NUCB2: variants seen among roughly 807,000 people sequenced by gnomAD.
The protein encoded by NUCB2 is nucleobindin 2.
A neutral mutation model predicts 57.9 loss-of-function variants in NUCB2; 48 were observed. The ratio of observed to expected loss-of-function variants is 0.83; its 90% confidence interval spans 0.66 to 1.05. NUCB2 has a LOEUF of 1.05. NUCB2 is among the 50% of genes least tolerant of loss of function. The probability of loss-of-function intolerance (pLI) is 0.00; values close to 1 mark genes in which losing one functional copy is unlikely to be tolerated. For missense variants in NUCB2, 442 were observed against 476.2 expected (o/e 0.93, Z 0.67); for synonymous variants, 139 against 152.1 (o/e 0.91, Z 0.64).
At chr11:17,339,150 G>C (rs2139592260) in intron 2 of NUCB2, among the ~76,000 whole-genome samples, 1 of 151,836 alleles carries the variant, frequency 6.6e-6, no homozygotes, top group East Asian at 1.9e-4. Flanking sequence ...ACCATACCCA[G>C]CTAATTTTTG....
At chr11:17,297,260 T>G (rs577022853) in intron 4 of NUCB2, among the ~76,000 whole-genome samples, 1 of 152,182 alleles carries the variant, frequency 6.6e-6, no homozygotes, top group African/African-American at 2.4e-5. Flanking sequence ...TTTTCTAGAA[T>G]CAGAATAAGA....
In NUCB2 at chr11:17,288,938, CACACACACACACATATAT is replaced by C. The variant is rs1565377043; in HGVS notation, c.-1+5997_-1+6014del. On this transcript the variant is annotated intron_variant, in intron 2 of 13. Coordinates refer to ENST00000529010, the MANE Select transcript of NUCB2 (RefSeq NM_005013.4). ...ACACACACACACACACACACACACA[CACACACACACACATATAT>C]ATATATATTTTTTTTTTTTGAGATG... Among the ~76,000 whole-genome samples, 14 of 82,882 alleles carry C rather than the reference CACACACACACACATATAT, an allele frequency of 1.7e-4. 1 individual carries two copies. Among genetic ancestry groups the C allele is most frequent in the Non-Finnish European group, 8.1e-5 (4 of 49,434 alleles). 54.4% of individuals were successfully genotyped at this position (82,882 alleles called of 152,430 possible).
rs1555068894 is a variant in NUCB2, at chr11:17,287,172, A to AT, written c.-1+4229_-1+4230insT. 2.1e-3 allele frequency among the ~76,000 whole-genome samples: 315 copies of AT among 151,504 alleles called. 1 individual carries two copies. The highest frequency in any genetic ancestry group is 0.011 in the South Asian group (51 of 4,784). On this transcript the variant is annotated intron_variant, in intron 2 of 13. Coordinates refer to ENST00000529010, the MANE Select transcript of NUCB2 (RefSeq NM_005013.4). ...TGAAACCACAACTCTACCAAAAAAA[A>AT]ATATATATATATATCACCACGCATG...
At position 17,285,202 on chromosome 11, in the gene NUCB2, C is replaced by T. The variant is rs538329546; in HGVS notation, c.-1+2259C>T. The stretch of plus-strand genomic sequence containing the variant: ...CAGCACTTTGGGAGGCCAAGGCGGG[C>T]AGATCACAAGGTCAGGAGATCAAGA... On this transcript the variant is annotated intron_variant, in intron 2 of 13. Coordinates refer to ENST00000529010, the MANE Select transcript of NUCB2 (RefSeq NM_005013.4). Among the ~76,000 whole-genome samples, 210 of 152,108 alleles carry T rather than the reference C, an allele frequency of 1.4e-3. 1 individual carries two copies. The highest frequency in any genetic ancestry group is 4.8e-3 in the African/African-American group (199 of 41,510).
chr11:17,288,955 A>G (rs7935605), intron 2 of NUCB2, among the ~76,000 whole-genome samples: 1,338 of 59,270 alleles, frequency 0.023, 272 homozygotes, highest in African/African-American at 0.13. Flanking sequence ...ACACACATAT[A>G]TATATATATT....
chr11:17,321,050 TG>T (rs147783787), intron 11 of NUCB2, among the ~76,000 whole-genome samples: 6,908 of 152,258 alleles, frequency 0.045, 286 homozygotes, highest in Admixed American at 0.14. Flanking sequence ...AATCACATAA[TG>T]GAAAATTGGG....
downstream of NUCB2, chr11:17,332,346 A>T (rs1951480800): frequency 6.6e-6 from 1 of 151,878 alleles, no homozygotes; most frequent in Non-Finnish European, 1.5e-5. Context: ...CCTAGCTGCT[A>T]GGGAGGCTGA....
rs1484221150 is a variant in NUCB2 at position 17,288,880 on chromosome 11, TATACACACACACACACAC to T, written c.-1+5939_-1+5956del. ...CTTAAAGTCTATTTAATAACATGTA[TATACACACACACACACAC>T]ACACACACACACACACACACACACA... On this transcript the variant is annotated intron_variant, in intron 2 of 13. Transcript: ENST00000529010. 7.7e-3 allele frequency among the ~76,000 whole-genome samples: 519 copies of T among 67,524 alleles called. 23 individuals carry two copies. The highest frequency in any genetic ancestry group is 9.0e-3 in the Admixed American group (50 of 5,574). 44.3% of individuals were successfully genotyped at this position (67,524 alleles called of 152,430 possible).
intron 11 of NUCB2, among the ~76,000 whole-genome samples, chr11:17,324,744 A>C (rs1190032894): frequency 4.6e-5 from 7 of 151,898 alleles, no homozygotes; most frequent in Non-Finnish European, 1.0e-4. Flanking sequence ...AAATGTTATA[A>C]GACTTGTTTT....
intron 2 of NUCB2, among the ~76,000 whole-genome samples, chr11:17,345,516 G>A (rs1224526322): frequency 6.6e-6 from 1 of 152,166 alleles, no homozygotes; most frequent in East Asian, 1.9e-4. Context: ...AGACCAGCCT[G>A]GCCAAGATGG....
chr11:17,292,557 C>T lies in NUCB2; in HGVS notation c.1-2767C>T, dbSNP rs539106325. On this transcript the variant is annotated intron_variant, in intron 2 of 13. Coordinates refer to ENST00000529010, the MANE Select transcript of NUCB2 (RefSeq NM_005013.4). The stretch of plus-strand genomic sequence containing the variant: ...ATATGGAGTAGGCCTTGAGAATTCG[C>T]ATTTCTAACAAATTCCCAGGTGATG... 2.0e-5 allele frequency among the ~76,000 whole-genome samples: 3 copies of T among 152,278 alleles called. No individual in the cohort carries two copies. In the South Asian group the frequency reaches 6.2e-4, roughly 32 times the overall value.
chr11:17,293,997 T>C (rs1945377082), intron 2 of NUCB2, among the ~76,000 whole-genome samples: 1 of 152,206 alleles, frequency 6.6e-6, no homozygotes, highest in Non-Finnish European at 1.5e-5. Flanking sequence ...TTGTGAATAT[T>C]CTAGAAAACA....
chr11:17,312,360 A>G (rs1263249452), intron 10 of NUCB2, among the ~76,000 whole-genome samples: 9 of 150,758 alleles, frequency 6.0e-5, no homozygotes, highest in African/African-American at 2.2e-4. Flanking sequence ...CAGCCTCCTG[A>G]GACTGAGGAG....
At chr11:17,313,917 A>G (rs1948875098) in intron 10 of NUCB2, among the ~76,000 whole-genome samples, 2 of 151,968 alleles carry the variant, frequency 1.3e-5, no homozygotes, top group Non-Finnish European at 2.9e-5. Context: ...TATATGCTCT[A>G]TATCTGCATG....
chr11:17,305,973 A>G (rs1043859741), intron 5 of NUCB2, among the ~76,000 whole-genome samples: 1 of 152,194 alleles, frequency 6.6e-6, no homozygotes, highest in Non-Finnish European at 1.5e-5. Context: ...CATTTGGACA[A>G]AGGTATAGTT....
intron 5 of NUCB2, among the ~76,000 whole-genome samples, chr11:17,305,393 C>T: frequency 6.6e-6 from 1 of 151,874 alleles, no homozygotes; most frequent in Non-Finnish European, 1.5e-5. Context: ...CAATAAAGGA[C>T]TAGATATTAG....
chr11:17,282,236 C>CTATATATATA (rs71457870), intron 1 of NUCB2, among the ~76,000 whole-genome samples: 2 of 104,082 alleles, frequency 1.9e-5, no homozygotes, highest in Admixed American at 1.1e-4. Context: ...ATCTATCTAT[C>CTATATATATA]TATATATATA....
intron 10 of NUCB2, among the ~76,000 whole-genome samples, chr11:17,312,848 A>G (rs969134493): frequency 4.6e-5 from 7 of 151,778 alleles, no homozygotes; most frequent in African/African-American, 1.5e-4. Flanking sequence ...CTGGGATTAC[A>G]GGCATGCACC....
chr11:17,311,131 TTTTGAGTC>T lies in NUCB2; in HGVS notation c.670-60_670-53del, dbSNP rs1948428156. The stretch of plus-strand genomic sequence containing the variant: ...TTCTGCCAAGTTCCTCAAATTTATA[TTTTGAGTC>T]TGTACAGATAGATTATATTTTGTTT... On this transcript the variant is annotated intron_variant, in intron 7 of 13. Coordinates refer to ENST00000529010, the MANE Select transcript of NUCB2 (RefSeq NM_005013.4). 31 of 1,443,620 alleles carry T rather than the reference TTTTGAGTC, an allele frequency of 2.1e-5. No homozygotes were observed. In the South Asian group the frequency reaches 3.7e-4, roughly 17 times the overall value. The allele number at this position is 1,443,620 out of a possible 1,614,324, so 89.4% of individuals were successfully genotyped here. A position where few individuals can be genotyped will look rare whatever the true frequency, so the allele number is the denominator to read the frequency against.
Sources: gnomAD v4.1 joint callset for allele counts (sites outside exome capture counted in the v4.1 genomes callset) on GRCh38, gnomAD v4.1.1 for gene constraint, MANE v1.5 for transcripts, NCBI Gene and HGNC (gene_info 2026-07-23, HGNC 2026-07-21) for gene names.